The following DENND1A variants were observed in gnomAD, a reference collection of about 807,000 sequenced individuals.
The protein encoded by DENND1A is DENN domain containing 1A.
In DENND1A, 51 loss-of-function variants were observed where a neutral mutation model predicts 113.7. That is an observed-to-expected ratio of 0.45 (90% CI 0.36 to 0.57). The LOEUF is 0.57. Ranked by LOEUF, DENND1A falls within the 20% of genes least tolerant of loss-of-function variation. DENND1A has a pLI of 0.00. For missense variants in DENND1A, 1,258 were observed against 1,395.9 expected (o/e 0.90, Z 1.57); for synonymous variants, 565 against 570.8 (o/e 0.99, Z 0.14).
At chr9:123,522,870 C>T (rs2054507601) in intron 13 of DENND1A, among the ~76,000 whole-genome samples, 1 of 152,200 alleles carries the variant, frequency 6.6e-6, no homozygotes, top group African/African-American at 2.4e-5. Flanking sequence ...GATGGAGCCA[C>T]AAGCAGATTT....
At chr9:123,601,285 C>T (rs1004540985) in intron 11 of DENND1A, among the ~76,000 whole-genome samples, 2 of 152,198 alleles carry the variant, frequency 1.3e-5, no homozygotes, top group Non-Finnish European at 2.9e-5. Flanking sequence ...AGTACTTGTT[C>T]CCTTTGATTA....
rs1404233554 is a variant in DENND1A, at chr9:123,622,873, C to CAG, written c.719+7501_719+7502dup. On this transcript the variant is annotated intron_variant, in intron 10 of 23. Coordinates refer to ENST00000394215, the MANE Select transcript of DENND1A (RefSeq NM_001352964.2). ...CATTAGCAAGTTAATGCTTTTCTCCCAGAAACAGGAAGGCTTTCCCAACAC... is the reference window on the plus strand; with the variant it reads ...CATTAGCAAGTTAATGCTTTTCTCCCAGAGAAACAGGAAGGCTTTCCCAACAC... Among the ~76,000 whole-genome samples, 7 of 152,278 alleles carry CAG rather than the reference C, an allele frequency of 4.6e-5. No homozygotes were observed. In the East Asian group the frequency reaches 1.4e-3, roughly 29 times the overall value.
chr9:123,634,163 C>A (rs1188253879), intron 9 of DENND1A, among the ~76,000 whole-genome samples: 1 of 152,040 alleles, frequency 6.6e-6, no homozygotes, highest in East Asian at 1.9e-4. Flanking sequence ...GTCTTTTTAA[C>A]CTCAAAAGCA....
chr9:123,890,537 C>G (rs1355225771), intron 1 of DENND1A, among the ~76,000 whole-genome samples: 1 of 152,192 alleles, frequency 6.6e-6, no homozygotes, highest in Non-Finnish European at 1.5e-5. Flanking sequence ...AGCAGATATT[C>G]TGCAGAAGAC....
intron 5 of DENND1A, among the ~76,000 whole-genome samples, chr9:123,753,317 G>C (rs1012958219): frequency 3.9e-5 from 6 of 152,170 alleles, no homozygotes; most frequent in Non-Finnish European, 4.4e-5. Flanking sequence ...TGCCCTAGTG[G>C]GGAGGAACAG....
chr9:123,872,441 T>A (rs1046497155), intron 2 of DENND1A, among the ~76,000 whole-genome samples: 3 of 152,184 alleles, frequency 2.0e-5, no homozygotes, highest in Non-Finnish European at 4.4e-5. Flanking sequence ...GAAAGCTTAA[T>A]GAATAATTGG....
intron 5 of DENND1A, among the ~76,000 whole-genome samples, chr9:123,711,497 A>ATATATG (rs201094993): frequency 0.012 from 1,112 of 91,080 alleles, 13 homozygotes; most frequent in African/African-American, 0.017. Context: ...ATATATATAT[A>ATATATG]TATATATGTA....
At chr9:123,398,826 G>T (rs546738371) in intron 21 of DENND1A, among the ~76,000 whole-genome samples, 1 of 144,062 alleles carries the variant, frequency 6.9e-6, no homozygotes, top group Non-Finnish European at 1.5e-5. Flanking sequence ...ACAGAGTCTC[G>T]TTCTGTTACT....
At chr9:123,549,870 T>C (rs1324209960) in intron 13 of DENND1A, among the ~76,000 whole-genome samples, 4 of 152,204 alleles carry the variant, frequency 2.6e-5, no homozygotes, top group Non-Finnish European at 5.9e-5. Context: ...AGTGGGACTA[T>C]GGTGCTGTTT....
intron 13 of DENND1A, among the ~76,000 whole-genome samples, chr9:123,547,793 G>T (rs1169315254): frequency 6.6e-6 from 1 of 152,156 alleles, no homozygotes; most frequent in Non-Finnish European, 1.5e-5. Context: ...CATGGCTCCA[G>T]GTTCTTGGGC....
At chr9:123,614,514 CTGTTAATCA>C (rs1478292084) in intron 10 of DENND1A, among the ~76,000 whole-genome samples, 2 of 151,890 alleles carry the variant, frequency 1.3e-5, no homozygotes, top group East Asian at 3.9e-4. Context: ...AACCAGGGCT[CTGTTAATCA>C]TGTTCCCCTG....
chr9:123,587,694 C>A (rs1290759915), intron 11 of DENND1A, among the ~76,000 whole-genome samples: 1 of 152,242 alleles, frequency 6.6e-6, no homozygotes, highest in Non-Finnish European at 1.5e-5. Context: ...TGGGGAAGCA[C>A]ATCACACACT....
chr9:123,572,720 A>C (rs1379053024), intron 12 of DENND1A, among the ~76,000 whole-genome samples: 4 of 152,158 alleles, frequency 2.6e-5, no homozygotes, highest in African/African-American at 9.7e-5. Context: ...AGTGTTAAGA[A>C]TATTTTATCT....
At chr9:123,731,079 G>A (rs188635365) in intron 5 of DENND1A, among the ~76,000 whole-genome samples, 2 of 152,216 alleles carry the variant, frequency 1.3e-5, no homozygotes, top group African/African-American at 4.8e-5. Flanking sequence ...GACACGGAGG[G>A]GAACATCACA....
intron 13 of DENND1A, among the ~76,000 whole-genome samples, chr9:123,497,336 T>C (rs925788485): frequency 7.9e-5 from 12 of 152,164 alleles, no homozygotes; most frequent in African/African-American, 2.7e-4. Context: ...TTTTAAGAGA[T>C]GAGGTCCCAC....
chr9:123,549,368 G>C (rs2056902752), intron 13 of DENND1A, among the ~76,000 whole-genome samples: 1 of 152,124 alleles, frequency 6.6e-6, no homozygotes. Flanking sequence ...CATCCCTTAT[G>C]TGTGTTCTGG....
chr9:123,487,195 T>C (rs185449353), intron 13 of DENND1A, among the ~76,000 whole-genome samples: 2 of 152,300 alleles, frequency 1.3e-5, no homozygotes, highest in African/African-American at 4.8e-5. Context: ...GCCATGCTGG[T>C]AGCAAGACAA....
chr9:123,546,419 G>A lies in DENND1A; in HGVS notation c.993+11151C>T, dbSNP rs2056695983. On this transcript the variant is annotated intron_variant, in intron 13 of 23. Coordinates refer to ENST00000394215, the MANE Select transcript of DENND1A (RefSeq NM_001352964.2). Reference sequence around the variant, plus strand: ...AAAAAAAAAGTAGCCGGGCGTGGTGGTAGGCGCCTGTAGTCCCAGCTACTT... The same window carrying A: ...AAAAAAAAAGTAGCCGGGCGTGGTGATAGGCGCCTGTAGTCCCAGCTACTT... Among the ~76,000 whole-genome samples, 4 of 152,086 alleles carry A rather than the reference G, an allele frequency of 2.6e-5. No individual in the cohort carries two copies. The South Asian group carries it at 8.3e-4, about 32-fold the overall frequency.
chr9:123,541,865 C>T (rs769738665), intron 13 of DENND1A, among the ~76,000 whole-genome samples: 2 of 152,158 alleles, frequency 1.3e-5, no homozygotes, highest in African/African-American at 2.4e-5. Context: ...GAAAAACCTG[C>T]GGTTCAGGGA....
Sources: allele counts gnomAD v4.1 joint callset (sites outside exome capture counted in the v4.1 genomes callset), GRCh38; gene constraint gnomAD v4.1.1; transcripts MANE v1.5; gene names NCBI Gene and HGNC (gene_info 2026-07-23, HGNC 2026-07-21).